The following MACF1 variants were observed in gnomAD, a reference collection of about 807,000 sequenced individuals.
MACF1 encodes the protein microtubule-actin cross-linking factor 1.
In MACF1, 193 loss-of-function variants were observed where a neutral mutation model predicts 854.8. The ratio of observed to expected loss-of-function variants is 0.23; its 90% CI spans 0.20 to 0.25. MACF1 has a LOEUF of 0.25. Ranked by LOEUF, MACF1 falls within the 10% of genes least tolerant of loss-of-function variation. The pLI is 1.00. For synonymous variants in MACF1, 3,185 were observed against 3,226.7 expected (o/e 0.99, Z 0.44); for missense variants, 7,722 against 8,929.1 (o/e 0.86, Z 5.45).
At chr1:39,406,758 A>AAAAAAAAAAAAAAAT (rs1642728443) in intron 58 of MACF1, among the ~76,000 whole-genome samples, 3 of 149,218 alleles carry the variant, frequency 2.0e-5, no homozygotes, top group African/African-American at 7.5e-5. Context: ...AAAAAAAAAA[A>AAAAAAAAAAAAAAAT]CATTCTTTAT....
In MACF1 at chr1:39,293,554, G is replaced by C. The variant is rs1361182394; in HGVS notation, c.2089G>C (p.Glu697Gln). 2 of 1,613,986 alleles carry C rather than the reference G, an allele frequency of 1.2e-6. No individual in the cohort carries two copies. Among genetic ancestry groups the C allele is most frequent in the Non-Finnish European group, 1.7e-6 (2 of 1,179,908 alleles). Residue 697 changes from glutamate to glutamine, a missense_variant, in exon 18 of 101, where the codon GAG (glutamate) becomes CAG (glutamine). Around this residue, in one of 15 missense-constraint regions of MACF1, gnomAD observed 1,137 missense variants for 1,263.0 expected, o/e 0.90. Coordinates refer to ENST00000564288, the MANE Select transcript of MACF1 (RefSeq NM_001394062.1). ...GATCTGGTTGAATGAGAAGGAGGAG[G>C]AGGAACTAGCATATGACTGGAGTGA... is the stretch of plus-strand genomic sequence containing the variant. ...ELIWLNEKEE[E>Q]ELAYDWSDNN...
intron 2 of MACF1, among the ~76,000 whole-genome samples, chr1:39,194,122 C>G (rs745349818): frequency 6.6e-6 from 1 of 152,052 alleles, no homozygotes; most frequent in Non-Finnish European, 1.5e-5. Flanking sequence ...CATGCGCCAC[C>G]ACACCTGGCC....
At position 39,105,673 on chromosome 1, in the gene MACF1, A is replaced by G; in HGVS notation, c.220+21235A>G. On this transcript the variant is annotated intron_variant, in intron 2 of 93. Coordinates refer to the MACF1 transcript ENST00000361689. This position sits in a 1 kb window ranked among gnomAD's most constrained non-coding sequence, Gnocchi z 5.9. ...CAGCCGGCCAACCGCAGCCAGGAGAAGGAGTTCGTGCAGGCGTACGAGGAT... is the reference window on the plus strand; with the variant it reads ...CAGCCGGCCAACCGCAGCCAGGAGAGGGAGTTCGTGCAGGCGTACGAGGAT... 2 of 1,236,732 alleles carry G rather than the reference A, an allele frequency of 1.6e-6. No homozygotes were observed. Among genetic ancestry groups the G allele is most frequent in the Non-Finnish European group, 2.1e-6 (2 of 962,996 alleles). The allele number at this position is 1,236,732 out of a possible 1,614,324, so 76.6% of individuals were successfully genotyped here.
intron 15 of MACF1, 21 bp downstream of exon 15, chr1:39,287,583 T>C: frequency 6.2e-7 from 1 of 1,613,624 alleles, no homozygotes; most frequent in South Asian, 1.1e-5. Context: ...ATCCAAAAGC[T>C]TATGCAGTAC....
rs779980957 is a variant in MACF1, at chr1:39,303,044, C to T, written c.2755C>T (p.Pro919Ser). Residue 919 changes from proline (P) to serine (S), a missense_variant, in exon 23 of 101, where the codon CCA (proline) becomes TCA (serine). Physicochemically the swap from Pro to Ser is moderately conservative, Grantham distance 74. Transcript: ENST00000564288. The part of the protein sequence containing the change: ...MVPSVCFLIP[P>S]PNKDAIEMAS... ...GCCGTCAGTCTGCTTCCTCATCCCCCCACCCAATAAGGATGCCATTGAGAT... is the reference window on the plus strand; with the variant it reads ...GCCGTCAGTCTGCTTCCTCATCCCCTCACCCAATAAGGATGCCATTGAGAT... 1 of 1,614,156 alleles carries T rather than the reference C, an allele frequency of 6.2e-7. No individual in the cohort carries two copies. Among genetic ancestry groups the T allele is most frequent in the South Asian group, 1.1e-5 (1 of 91,074 alleles).
chr1:39,282,855 G>A (rs2148381936), intron 7 of MACF1, among the ~76,000 whole-genome samples: 1 of 152,310 alleles, frequency 6.6e-6, no homozygotes, highest in Middle Eastern at 3.4e-3. Context: ...GGTGGCTGAA[G>A]TGAGGTGAGG....
At chr1:39,106,911 C>T (rs1642257089) in intron 2 of MACF1, among the ~76,000 whole-genome samples, 1 of 151,646 alleles carries the variant, frequency 6.6e-6, no homozygotes, top group Non-Finnish European at 1.5e-5. Context: ...TGCTTGTTCC[C>T]TCTGCATCAG....
chr1:39,165,549 A>G (rs750255866), intron 2 of MACF1, among the ~76,000 whole-genome samples: 10 of 152,096 alleles, frequency 6.6e-5, no homozygotes, highest in Admixed American at 3.3e-4. Context: ...TACGATCCCT[A>G]TTTCTCAAAG....
intron 2 of MACF1, among the ~76,000 whole-genome samples, chr1:39,188,204 G>A (rs892010487): frequency 7.2e-5 from 11 of 151,988 alleles, no homozygotes; most frequent in Non-Finnish European, 1.2e-4. Flanking sequence ...TTGGGAGGCC[G>A]AGGCAGGTGG....
In MACF1 at chr1:39,238,190, C is replaced by T. The variant is rs556496213; in HGVS notation, c.171+6947C>T. ...AGAAATGTGCGTCTGTCCCTGACTG[C>T]TGTCACCGCTTCTGAGTTTAGTAAA... On this transcript the variant is annotated intron_variant, in intron 2 of 100. Coordinates refer to ENST00000564288, the MANE Select transcript of MACF1 (RefSeq NM_001394062.1). Among the ~76,000 whole-genome samples the T allele has an allele frequency of 2.0e-5, 3 of 152,308 alleles. No homozygotes were observed. The East Asian group carries it at 5.8e-4, about 29-fold the overall frequency.
At chr1:39,483,169 C>CA (rs1314868551) in intron 99 of MACF1, among the ~76,000 whole-genome samples, 13 of 145,068 alleles carry the variant, frequency 9.0e-5, no homozygotes, top group African/African-American at 2.6e-4. Context: ...TCTAAAAAAC[C>CA]AAAAAAAATC....
chr1:39,094,848 T>A (rs558813216), intron 2 of MACF1, among the ~76,000 whole-genome samples: 1 of 152,038 alleles, frequency 6.6e-6, no homozygotes, highest in African/African-American at 2.4e-5. Flanking sequence ...GCTGAGATTG[T>A]GTACTGCACT....
At chr1:39,337,810 C>T (rs1352856050) in intron 38 of MACF1, among the ~76,000 whole-genome samples, 3 of 150,620 alleles carry the variant, frequency 2.0e-5, no homozygotes, top group Non-Finnish European at 4.4e-5. Flanking sequence ...CACTCTGTTG[C>T]CCAGGCTGGA....
chr1:39,180,117 C>A (rs1644085681), intron 2 of MACF1, among the ~76,000 whole-genome samples: 1 of 152,040 alleles, frequency 6.6e-6, no homozygotes. Flanking sequence ...CTCCATCACC[C>A]TCCTCAAAGC....
At chr1:39,478,133 G>A (rs1644946391) in intron 97 of MACF1, among the ~76,000 whole-genome samples, 1 of 151,736 alleles carries the variant, frequency 6.6e-6, no homozygotes, top group East Asian at 1.9e-4. Context: ...CTCCTGAGTA[G>A]CTGGGACTAC....
intron 2 of MACF1, among the ~76,000 whole-genome samples, chr1:39,112,336 G>C (rs1000460567): frequency 6.6e-6 from 1 of 151,752 alleles, no homozygotes; most frequent in Admixed American, 6.6e-5. Flanking sequence ...TGCCCTCCTC[G>C]ACCTCTCAAA....
chr1:39,423,882 T>C (rs1347792498), intron 60 of MACF1, 146 bp from the exon 61 acceptor site: 3 of 574,704 alleles, frequency 5.2e-6, no homozygotes, highest in Non-Finnish European at 9.2e-6. Context: ...CTATATCTCC[T>C]GTTTTTGCCC....
In MACF1 at chr1:39,424,179, G is replaced by T; in HGVS notation, c.16301G>T (p.Ser5434Ile). ...SLESRWTELLSKAAARQKQLE... is the reference protein window; with the variant it reads ...SLESRWTELLIKAAARQKQLE... ...GAAAGTAGATGGACTGAACTACTCA[G>T]TAAGGCAGCAGCCAGGTAAGATCAA... The change falls in exon 61 of 101, where the codon AGT becomes ATT. Residue 5434 changes from serine (S) to isoleucine (I), a missense_variant. Ser to Ile is a moderately radical substitution (Grantham distance 142). Transcript: ENST00000564288. 1 of 1,613,226 alleles carries T rather than the reference G, an allele frequency of 6.2e-7. No homozygotes were observed. Among genetic ancestry groups the T allele is most frequent in the Non-Finnish European group, 8.5e-7 (1 of 1,179,620 alleles).
rs751673909 is a variant in MACF1 at position 39,336,634 on chromosome 1, A to G, written c.10046A>G (p.Glu3349Gly). ...EGKGNGGVNPEPFRATQNVFT... is the reference protein window; with the variant it reads ...EGKGNGGVNPGPFRATQNVFT... ...AAGGGAAATGGAGGTGTAAACCCAG[A>G]GCCCTTCAGAGCAACTCAGGTCAGT... is the stretch of plus-strand genomic sequence containing the variant. The change falls in exon 37 of 101, where the codon GAG becomes GGG. Residue 3349 changes from glutamate to glycine, a missense_variant. By Grantham distance (98) the Glu-to-Gly change is moderately conservative (BLOSUM62 -2). This residue lies in a region of MACF1 where 854 missense variants were observed against 852.6 expected (regional missense o/e 1.00). Transcript: ENST00000564288. 6 of 1,606,934 alleles carry G rather than the reference A, an allele frequency of 3.7e-6. 1 individual carries two copies. In the South Asian group the frequency reaches 6.7e-5, roughly 18 times the overall value.
Sources: gnomAD v4.1 joint callset for allele counts (sites outside exome capture counted in the v4.1 genomes callset) on GRCh38, gnomAD v4.1.1 for gene constraint, gnomAD v4.1.1 regional missense constraint, Gnocchi (gnomAD v3.1) non-coding constraint, MANE v1.5 for transcripts, NCBI Gene and HGNC (gene_info 2026-07-23, HGNC 2026-07-21) for gene names.